The following AASS variants were observed in gnomAD, a reference collection of about 807,000 sequenced individuals.
AASS encodes aminoadipate-semialdehyde synthase, also known as alpha-aminoadipic semialdehyde synthase, mitochondrial.
A neutral mutation model predicts 105.4 loss-of-function variants in AASS; 86 were observed. The observed-to-expected ratio is 0.82, with a 90% CI of 0.69 to 0.98. The LOEUF is 0.98. Among genes scored for constraint, AASS ranks in the 50% least tolerant of loss-of-function variants. The probability of loss-of-function intolerance (pLI) is 0.00; values close to 1 mark genes in which losing one functional copy is unlikely to be tolerated. For missense variants in AASS, 1,048 were observed against 1,143.2 expected, an observed-to-expected ratio of 0.92 and a Z score of 1.20; for synonymous variants, 381 against 394.8, an observed-to-expected ratio of 0.96 and a Z score of 0.41.
intron 15 of AASS, among the ~76,000 whole-genome samples, chr7:122,095,184 C>G (rs552169688): frequency 2.0e-5 from 3 of 151,884 alleles, no homozygotes; most frequent in African/African-American, 7.3e-5. Flanking sequence ...ACGGAGGAGA[C>G]AGGCTTTAAC....
At chr7:122,088,408 A>G (rs972038502) in intron 18 of AASS, among the ~76,000 whole-genome samples, 1 of 152,100 alleles carries the variant, frequency 6.6e-6, no homozygotes, top group African/African-American at 2.4e-5. Flanking sequence ...GAAACAACTC[A>G]TTTTTCAGAG....
At chr7:122,137,613 T>A (rs1347072744) in intron 1 of AASS, among the ~76,000 whole-genome samples, 1 of 152,182 alleles carries the variant, frequency 6.6e-6, no homozygotes, top group East Asian at 1.9e-4. Flanking sequence ...GCTTGAACCT[T>A]AAAACTTGGT....
Position 122,098,877 on chromosome 7 carries a change from A to G in AASS, c.1407-11T>C. ...GACTGAGCACGTTCCCTATTTAAAA[A>G]AAAAAAAAAAAAAAAAAAAGGGAAG... On this transcript the variant is annotated splice_polypyrimidine_tract_variant and intron_variant, in intron 13 of 23. Transcript: ENST00000417368. The G allele has an allele frequency of 6.6e-7, 1 of 1,506,036 alleles. No individual in the cohort carries two copies. The highest frequency in any genetic ancestry group is 8.9e-7 in the Non-Finnish European group (1 of 1,122,918). 93.3% of individuals were successfully genotyped at this position (1,506,036 alleles called of 1,614,324 possible). A position where few individuals can be genotyped will look rare whatever the true frequency, so the allele number is the denominator to read the frequency against.
chr7:122,114,687 C>CT (rs1795086239), intron 9 of AASS, among the ~76,000 whole-genome samples: 1 of 152,076 alleles, frequency 6.6e-6, no homozygotes, highest in African/African-American at 2.4e-5. Context: ...GAAGACTTCT[C>CT]TGAGCAAATA....
intron 13 of AASS, among the ~76,000 whole-genome samples, chr7:122,099,129 A>G (rs1022368024): frequency 2.0e-5 from 3 of 151,904 alleles, no homozygotes; most frequent in Non-Finnish European, 4.4e-5. Context: ...GTATAGATGT[A>G]TTTCATGAAT....
chr7:122,106,677 T>A (rs894374147), intron 11 of AASS, among the ~76,000 whole-genome samples: 1 of 152,128 alleles, frequency 6.6e-6, no homozygotes, highest in African/African-American at 2.4e-5. Context: ...GTTTAATAAA[T>A]GGTGCTGGGA....
intron 11 of AASS, among the ~76,000 whole-genome samples, chr7:122,112,317 C>A (rs1161135352): frequency 6.6e-6 from 1 of 152,184 alleles, no homozygotes; most frequent in Non-Finnish European, 1.5e-5. Flanking sequence ...CTGCTGCCTG[C>A]ATTTTCTCAA....
In AASS at chr7:122,116,883, A is replaced by G. The variant is rs1182099603; in HGVS notation, c.762T>C (p.Thr254=). The change falls in exon 7 of 24, where the codon ACT becomes ACC. Residue 254 remains threonine, a synonymous_variant. Coordinates refer to ENST00000417368, the MANE Select transcript of AASS (RefSeq NM_005763.4). ...EPHELKEVSQ[T]GDLRKVYGTV... is the part of the protein sequence containing the mutation. ...TAGTCATCTCCTGTCCCTTACCTCC[A>G]GTTTGGGAAACTTCTTTTAATTCAT... The G allele has an allele frequency of 3.1e-6, 5 of 1,613,792 alleles. No homozygotes were observed. Among genetic ancestry groups the G allele is most frequent in the Non-Finnish European group, 4.2e-6 (5 of 1,179,856 alleles).
intron 4 of AASS, among the ~76,000 whole-genome samples, chr7:122,122,821 T>C (rs1795500134): frequency 6.6e-6 from 1 of 152,202 alleles, no homozygotes; most frequent in African/African-American, 2.4e-5. Flanking sequence ...TTTCCTCTAT[T>C]TCTCTCCTGA....
chr7:122,078,135 C>T, intron 22 of AASS, 121 bp from the exon 23 acceptor site: 1 of 915,478 alleles, frequency 1.1e-6, no homozygotes, highest in Non-Finnish European at 1.8e-6. Context: ...GATCACTAGA[C>T]AATTATTTAC....
At chr7:122,081,721 A>G in intron 19 of AASS, 126 bp from the exon 20 acceptor site, 5 of 694,878 alleles carry the variant, frequency 7.2e-6, no homozygotes, top group Non-Finnish European at 1.2e-5. Flanking sequence ...TGATGATATG[A>G]GTACTACAGC....
At chr7:122,140,485 CAAAAAAAA>C (rs57828681) in intron 1 of AASS, among the ~76,000 whole-genome samples, 3 of 37,328 alleles carry the variant, frequency 8.0e-5, no homozygotes, top group African/African-American at 2.2e-4. Context: ...GACTCAGTCT[CAAAAAAAA>C]AAAAAAAAAA....
intron 18 of AASS, 136 bp downstream of exon 18, chr7:122,091,567 T>C: frequency 3.7e-6 from 5 of 1,364,438 alleles, no homozygotes; most frequent in Non-Finnish European, 5.1e-6. Flanking sequence ...AAATATACAC[T>C]GGGAAACAAC....
rs1182801496 is a variant in AASS, at chr7:122,118,334, C to T, written c.660G>A (p.Val220=). The stretch of plus-strand genomic sequence containing the variant: ...TAGAAACATTACCAGTTCCTGTGAA[C>T]ACAAATGTTAAGGGTCCTATTGACT... ...MPKSIGPLTF[V]FTGTGNVSKG... Residue 220 remains valine, a synonymous_variant, in exon 6 of 24, where the codon GTG becomes GTA. Coordinates refer to ENST00000417368, the MANE Select transcript of AASS (RefSeq NM_005763.4). The T allele has an allele frequency of 2.5e-6, 4 of 1,613,978 alleles. No individual in the cohort carries two copies. The African/African-American group carries it at 4.0e-5, about 16-fold the overall frequency.
intron 4 of AASS, among the ~76,000 whole-genome samples, chr7:122,119,644 A>C (rs1460777761): frequency 1.1e-4 from 17 of 152,154 alleles, no homozygotes; most frequent in Admixed American, 1.1e-3. Flanking sequence ...CATACAACAT[A>C]ATGCACCCAT....
intron 3 of AASS, 52 bp from the exon 4 acceptor site, chr7:122,126,511 CAAGTA>C: frequency 7.1e-7 from 1 of 1,401,352 alleles, no homozygotes; most frequent in Non-Finnish European, 1.0e-6. Flanking sequence ...TTAATTTTAA[CAAGTA>C]AAGACATATA....
chr7:122,133,377 C>G lies in AASS; in HGVS notation c.210+140G>C, dbSNP rs1306019985. 3.1e-6 allele frequency: 3 copies of G among 964,706 alleles called. No individual in the cohort carries two copies. The African/African-American group carries it at 4.9e-5, about 16-fold the overall frequency. The allele number at this position is 964,706 out of a possible 1,614,324, so 59.8% of individuals were successfully genotyped here. ...TCTTTTATTCCTCAGCTGGAGTAAG[C>G]ATAGGGTGAAAATAATACTTTTAAT... is the stretch of plus-strand genomic sequence containing the variant. On this transcript the variant is annotated intron_variant, in intron 2 of 23. Coordinates refer to ENST00000417368, the MANE Select transcript of AASS (RefSeq NM_005763.4).
chr7:122,078,093 T>C (rs1793112915), intron 22 of AASS, 79 bp from the exon 23 acceptor site: 4 of 1,411,052 alleles, frequency 2.8e-6, no homozygotes, highest in Non-Finnish European at 4.0e-6. Context: ...CCTGCCCTTC[T>C]GGTCTTAAAA....
chr7:122,086,211 T>G, intron 18 of AASS, 32 bp from the exon 19 acceptor site: 1 of 1,610,580 alleles, frequency 6.2e-7, no homozygotes, highest in Non-Finnish European at 8.5e-7. Flanking sequence ...CACATGGGGT[T>G]ACAGCTGTTC....
Sources: allele counts gnomAD v4.1 joint callset (sites outside exome capture counted in the v4.1 genomes callset), GRCh38; gene constraint gnomAD v4.1.1; transcripts MANE v1.5; gene names NCBI Gene and HGNC (gene_info 2026-07-23, HGNC 2026-07-21).